NLGN1: variants seen among roughly 807,000 people sequenced by gnomAD.
NLGN1 encodes the protein neuroligin 1, also known as neuroligin-1.
A neutral mutation model predicts 65.5 loss-of-function variants in NLGN1; 12 were observed. The observed-to-expected ratio is 0.18, with a 90% CI of 0.12 to 0.30. The LOEUF is 0.30. Among genes scored for constraint, NLGN1 ranks in the 10% least tolerant of loss-of-function variants. NLGN1 has a pLI of 1.00. For synonymous variants in NLGN1, 350 were observed against 359.5 expected, an observed-to-expected ratio of 0.97 and a Z score of 0.30; for missense variants, 750 against 1,007.1, an observed-to-expected ratio of 0.74 and a Z score of 3.46.
chr3:174,134,502 C>T (rs773240856), intron 4 of NLGN1, among the ~76,000 whole-genome samples: 8 of 152,068 alleles, frequency 5.3e-5, no homozygotes, highest in Non-Finnish European at 1.2e-4. Flanking sequence ...TGTTTCTTTC[C>T]AAATCTGAAT....
chr3:174,210,016 G>C (rs1047656707), intron 4 of NLGN1, among the ~76,000 whole-genome samples: 1 of 151,822 alleles, frequency 6.6e-6, no homozygotes, highest in Non-Finnish European at 1.5e-5. Context: ...TTTCTTTCTA[G>C]GCACACCAAG....
chr3:173,550,193 T>C (rs1257887489), intron 2 of NLGN1, among the ~76,000 whole-genome samples: 1 of 152,090 alleles, frequency 6.6e-6, no homozygotes, highest in African/African-American at 2.4e-5. Context: ...TCAAGGGACA[T>C]GTGAACGCCA....
intron 4 of NLGN1, among the ~76,000 whole-genome samples, chr3:174,269,713 C>T (rs1375508636): frequency 1.3e-5 from 2 of 151,840 alleles, no homozygotes; most frequent in Non-Finnish European, 1.5e-5. Context: ...CCCAGAAGAA[C>T]GATGCTGAAT....
chr3:174,285,149 ATTCTT>A (rs1251153239), exon 7 of NLGN1: 1 of 151,438 alleles, frequency 6.6e-6, no homozygotes, highest in Non-Finnish European at 1.5e-5. Flanking sequence ...AATTACTGGG[ATTCTT>A]TTCTTTGGCG....
At chr3:173,552,583 A>G (rs1208591033) in intron 2 of NLGN1, among the ~76,000 whole-genome samples, 1 of 152,128 alleles carries the variant, frequency 6.6e-6, no homozygotes, top group East Asian at 1.9e-4. Flanking sequence ...TTGGGCAAAA[A>G]GGAAAAAGGG....
At chr3:174,119,042 T>A (rs1331735164) in intron 4 of NLGN1, among the ~76,000 whole-genome samples, 1 of 152,198 alleles carries the variant, frequency 6.6e-6, no homozygotes, top group Non-Finnish European at 1.5e-5. Flanking sequence ...TGGAATATGC[T>A]TTTTTCTTCG....
intron 4 of NLGN1, among the ~76,000 whole-genome samples, chr3:174,226,666 A>G (rs112798969): frequency 0.016 from 2,497 of 152,254 alleles, 89 homozygotes; most frequent in African/African-American, 0.057. Context: ...TAAGTATTTT[A>G]CAACATAAGA....
At chr3:173,694,879 G>A (rs1014612604) in intron 3 of NLGN1, among the ~76,000 whole-genome samples, 2 of 152,200 alleles carry the variant, frequency 1.3e-5, no homozygotes, top group Non-Finnish European at 2.9e-5. Flanking sequence ...CAAAGAGGGA[G>A]AAGAAAAATA....
chr3:173,755,375 T>C (rs1578275092), intron 3 of NLGN1, among the ~76,000 whole-genome samples: 2 of 152,248 alleles, frequency 1.3e-5, no homozygotes, highest in Middle Eastern at 3.4e-3. Flanking sequence ...CAGAAAGATA[T>C]GGTGCTAAAA....
chr3:173,487,266 A>T (rs1245576759), intron 2 of NLGN1, among the ~76,000 whole-genome samples: 1 of 151,994 alleles, frequency 6.6e-6, no homozygotes, highest in Non-Finnish European at 1.5e-5. Flanking sequence ...TCTATTTTTA[A>T]AGGGGTATTT....
intron 4 of NLGN1, among the ~76,000 whole-genome samples, chr3:173,994,355 A>G (rs1367405074): frequency 6.6e-6 from 1 of 151,782 alleles, no homozygotes. Context: ...TCAGCCCCTC[A>G]AAGTGCGGGG....
At chr3:173,566,704 G>A (rs1743733900) in intron 2 of NLGN1, among the ~76,000 whole-genome samples, 4 of 151,976 alleles carry the variant, frequency 2.6e-5, no homozygotes, top group Non-Finnish European at 1.5e-5. Flanking sequence ...CACTTATCAT[G>A]TTGACTCATA....
chr3:174,286,099 T>A (rs145690028), exon 7 of NLGN1: 2 of 151,156 alleles, frequency 1.3e-5, no homozygotes, highest in Non-Finnish European at 3.0e-5. Flanking sequence ...TTAGAGAAAA[T>A]CATGTACTAG....
At chr3:173,948,088 G>A (rs1190686907) in intron 4 of NLGN1, among the ~76,000 whole-genome samples, 1 of 152,164 alleles carries the variant, frequency 6.6e-6, no homozygotes, top group African/African-American at 2.4e-5. Context: ...GATACAATGT[G>A]GGAGACAGCA....
At chr3:173,727,624 T>C (rs1401030128) in intron 3 of NLGN1, among the ~76,000 whole-genome samples, 2 of 152,132 alleles carry the variant, frequency 1.3e-5, no homozygotes, top group East Asian at 3.9e-4. Flanking sequence ...CTTTCAGCTC[T>C]TGCCCAACCC....
At chr3:173,684,704 C>G (rs1764439105) in intron 3 of NLGN1, among the ~76,000 whole-genome samples, 1 of 152,052 alleles carries the variant, frequency 6.6e-6, no homozygotes, top group Non-Finnish European at 1.5e-5. Flanking sequence ...TGTTTGTGTT[C>G]AAATTACATA....
chr3:173,981,511 A>G (rs76435655), intron 4 of NLGN1, among the ~76,000 whole-genome samples: 5,429 of 152,208 alleles, frequency 0.036, 133 homozygotes, highest in Non-Finnish European at 0.055. Flanking sequence ...AACTATTTCT[A>G]TATTACATTA....
chr3:173,494,083 A>C (rs1014821869), intron 2 of NLGN1, among the ~76,000 whole-genome samples: 1 of 150,184 alleles, frequency 6.7e-6, no homozygotes, highest in African/African-American at 2.5e-5. Context: ...TGTTTTTCCC[A>C]TTCCTTCACA....
intron 1 of NLGN1, among the ~76,000 whole-genome samples, chr3:173,412,542 A>C (rs1712800285): frequency 9.0e-6 from 1 of 110,934 alleles, no homozygotes; most frequent in Non-Finnish European, 2.1e-5. Flanking sequence ...AAATGCATAA[A>C]GTTCTGAGTG....
Sources: gnomAD v4.1 joint callset for allele counts (sites outside exome capture counted in the v4.1 genomes callset) on GRCh38, gnomAD v4.1.1 for gene constraint, MANE v1.5 for transcripts, NCBI Gene and HGNC (gene_info 2026-07-23, HGNC 2026-07-21) for gene names.